TGFB3: variants seen among roughly 807,000 people sequenced by gnomAD.
The protein encoded by TGFB3 is transforming growth factor beta 3, also known as transforming growth factor beta-3 proprotein.
TGFB3 carries 5 observed loss-of-function variants against 40.1 expected under a neutral mutation model. That is an observed-to-expected ratio of 0.12 (90% confidence interval 0.07 to 0.26). The LOEUF (loss-of-function observed/expected upper bound fraction) is 0.26, where lower values mean the gene tolerates loss of function less well. Among genes scored for constraint, TGFB3 ranks in the 10% least tolerant of loss-of-function variants. TGFB3 has a pLI of 1.00. For missense variants in TGFB3, 373 were observed against 530.1 expected, an observed-to-expected ratio of 0.70 and a Z score of 2.91; for synonymous variants, 184 against 205.6, an observed-to-expected ratio of 0.89 and a Z score of 0.90.
intron 6 of TGFB3, among the ~76,000 whole-genome samples, chr14:75,959,886 G>C (rs1429931947): frequency 7.3e-6 from 1 of 137,622 alleles, no homozygotes; most frequent in African/African-American, 2.7e-5. Context: ...GGGGTGATGA[G>C]TTGAAGCATA....
rs532403511 is a variant in TGFB3, at chr14:75,971,643, C to T, written c.428G>A (p.Arg143Lys). ...RFNVSSVEKN[R>K]TNLFRAEFRV... ...GAATTCTGCTCGGAATAGGTTGGTT[C>T]TATTTTTCTCCACTGAGGACACATT... is the stretch of plus-strand genomic sequence containing the variant. The change falls in exon 2 of 7, where the codon AGA (arginine) becomes AAA (lysine). Residue 143 changes from arginine (R) to lysine (K), a missense_variant. By Grantham distance (26) the Arg-to-Lys change is conservative. Coordinates refer to ENST00000238682, the MANE Select transcript of TGFB3 (RefSeq NM_003239.5). The surrounding 1 kb of genome is among the most constrained non-coding windows in gnomAD (Gnocchi z 4.5). 1 of 1,614,256 alleles carries T rather than the reference C, an allele frequency of 6.2e-7. No individual in the cohort carries two copies. The highest frequency in any genetic ancestry group is 1.7e-5 in the Admixed American group (1 of 60,032).
rs1009452691 is a variant in TGFB3 at position 75,979,102 on chromosome 14, G to C, written c.352+1440C>G. 1.3e-5 allele frequency among the ~76,000 whole-genome samples: 2 copies of C among 152,020 alleles called. No individual in the cohort carries two copies. The highest frequency in any genetic ancestry group is 2.9e-5 in the Non-Finnish European group (2 of 68,002). On this transcript the variant is annotated intron_variant, in intron 1 of 6. Transcript: ENST00000238682. The surrounding 1 kb of genome is among the most constrained non-coding windows in gnomAD (Gnocchi z 4.8). ...GGGCAGGGAGTAGTAGCTCTGCATC[G>C]GCCTCCAGCCTCCGCCCCACATGGC...
chr14:75,980,229 T>A lies in TGFB3; in HGVS notation c.352+313A>T, dbSNP rs1215444710. Among the ~76,000 whole-genome samples, 2 of 152,210 alleles carry A rather than the reference T, an allele frequency of 1.3e-5. No homozygotes were observed. The highest frequency in any genetic ancestry group is 2.1e-4 in the South Asian group (1 of 4,836). The stretch of plus-strand genomic sequence containing the variant: ...ACTGATACGATCGCATGTGCAAGAA[T>A]ACATATGTTTCCCTGGACAGCACAA... On this transcript the variant is annotated intron_variant, in intron 1 of 6. Coordinates refer to ENST00000238682, the MANE Select transcript of TGFB3 (RefSeq NM_003239.5). The surrounding 1 kb of genome is among the most constrained non-coding windows in gnomAD (Gnocchi z 4.3).
chr14:75,975,898 A>G (rs968111041), intron 1 of TGFB3, among the ~76,000 whole-genome samples: 1 of 152,230 alleles, frequency 6.6e-6, no homozygotes, highest in Non-Finnish European at 1.5e-5. Context: ...CTCACAGAAC[A>G]CTAGTATTAT....
Position 75,980,991 on chromosome 14 carries a change from C to T in TGFB3, c.-98G>A, listed in dbSNP as rs2035423651. The T allele has an allele frequency of 2.8e-6, 3 of 1,087,568 alleles. No individual in the cohort carries two copies. Among genetic ancestry groups the T allele is most frequent in the Non-Finnish European group, 4.2e-6 (3 of 717,754 alleles). 67.4% of individuals were successfully genotyped at this position (1,087,568 alleles called of 1,614,324 possible). ...GGAGGGAGGAAAACCAGGCGGCCTC[C>T]CCAGATCCCAAAGACTGAGGCTTGG... is the stretch of plus-strand genomic sequence containing the variant. On this transcript the variant is annotated 5_prime_UTR_variant, in exon 1 of 7. Coordinates refer to ENST00000238682, the MANE Select transcript of TGFB3 (RefSeq NM_003239.5). The surrounding 1 kb of genome is among the most constrained non-coding windows in gnomAD (Gnocchi z 4.3).
chr14:75,972,869 G>A (rs1420829921), intron 1 of TGFB3, among the ~76,000 whole-genome samples: 2 of 152,212 alleles, frequency 1.3e-5, no homozygotes, highest in African/African-American at 2.4e-5. Context: ...CCCACATCAT[G>A]AGCCTGGCAG....
intron 4 of TGFB3, among the ~76,000 whole-genome samples, chr14:75,965,304 C>T (rs2035208009): frequency 6.6e-6 from 1 of 152,206 alleles, no homozygotes; most frequent in Admixed American, 6.5e-5. Context: ...GAACTCTCAT[C>T]CCATTTCACT....
intron 6 of TGFB3, 150 bp downstream of exon 6, chr14:75,960,773 G>T: frequency 1.0e-6 from 1 of 981,384 alleles, no homozygotes; most frequent in Non-Finnish European, 1.5e-6. Context: ...ACTGAGTCAG[G>T]GTGCCAAGAT....
At chr14:75,975,206 CCAAATA>C (rs2140249098) in intron 1 of TGFB3, among the ~76,000 whole-genome samples, 2 of 150,460 alleles carry the variant, frequency 1.3e-5, no homozygotes, top group South Asian at 4.2e-4. Flanking sequence ...CATCTCTACT[CCAAATA>C]CAAAAATTAG....
At chr14:75,963,172 A>T in intron 5 of TGFB3, 144 bp downstream of exon 5, 2 of 925,232 alleles carry the variant, frequency 2.2e-6, no homozygotes, top group South Asian at 1.4e-5. Context: ...AATCTCTGTG[A>T]GAGATTTTCA....
chr14:75,974,054 C>T (rs1413835977), intron 1 of TGFB3, among the ~76,000 whole-genome samples: 1 of 151,946 alleles, frequency 6.6e-6, no homozygotes, highest in East Asian at 1.9e-4. Context: ...GCAGGAGAAT[C>T]GCTTGAACCC....
chr14:75,965,134 G>A (rs541834828), intron 4 of TGFB3, among the ~76,000 whole-genome samples: 2 of 152,326 alleles, frequency 1.3e-5, no homozygotes, highest in South Asian at 4.1e-4. Context: ...GGTAGGCCCT[G>A]CACATCTGGA....
In TGFB3 at chr14:75,974,522, G is replaced by T. The variant is rs11466426; in HGVS notation, c.353-2804C>A. On this transcript the variant is annotated intron_variant, in intron 1 of 6. Coordinates refer to ENST00000238682, the MANE Select transcript of TGFB3 (RefSeq NM_003239.5). ...AGCTGACACAAGCAACTTGACACTAGCAAGCAAAGCTTAGGACACAATTGC... is the reference window on the plus strand; with the variant it reads ...AGCTGACACAAGCAACTTGACACTATCAAGCAAAGCTTAGGACACAATTGC... Among the ~76,000 whole-genome samples the T allele has an allele frequency of 5.2e-4, 79 of 152,086 alleles. 1 individual carries two copies. The highest frequency in any genetic ancestry group is 3.4e-3 in the Middle Eastern group (1 of 294).
rs534214749 is a variant in TGFB3 at position 75,978,275 on chromosome 14, A to C, written c.352+2267T>G. On this transcript the variant is annotated intron_variant, in intron 1 of 6. Transcript: ENST00000238682. The surrounding 1 kb of genome is among the most constrained non-coding windows in gnomAD (Gnocchi z 5.0). The stretch of plus-strand genomic sequence containing the variant: ...GGTGTCACCCCTGTCTGCCCTCATG[A>C]GTTAAAGACAGGCTTCCTTCCCCCA... 6.6e-6 allele frequency among the ~76,000 whole-genome samples: 1 copy of C among 152,186 alleles called. No individual in the cohort carries two copies. The highest frequency in any genetic ancestry group is 6.5e-5 in the Admixed American group (1 of 15,290).
rs752640106 is a variant in TGFB3 at position 75,971,527 on chromosome 14, G to T, written c.516+28C>A. The T allele has an allele frequency of 6.2e-7, 1 of 1,613,660 alleles. No individual in the cohort carries two copies. Among genetic ancestry groups the T allele is most frequent in the Admixed American group, 1.7e-5 (1 of 60,004 alleles). On this transcript the variant is annotated intron_variant, in intron 2 of 6. Transcript: ENST00000238682. The surrounding 1 kb of genome is among the most constrained non-coding windows in gnomAD (Gnocchi z 4.5). ...CAAAGGAACCAGCTTTCCCGTCGGT[G>T]TGGTTTCTGCTCTGAGAGAGGAGTT...
chr14:75,980,969 G>T lies in TGFB3; in HGVS notation c.-76C>A. On this transcript the variant is annotated 5_prime_UTR_variant, in exon 1 of 7. Coordinates refer to ENST00000238682, the MANE Select transcript of TGFB3 (RefSeq NM_003239.5). This position sits in a 1 kb window ranked among gnomAD's most constrained non-coding sequence, Gnocchi z 4.3. ...AGACCCCAGCAGACGTGCAGAAGGA[G>T]GGAGGAAAACCAGGCGGCCTCCCCA... The T allele has an allele frequency of 2.8e-6, 4 of 1,432,318 alleles. No individual in the cohort carries two copies. The highest frequency in any genetic ancestry group is 2.3e-5 in the East Asian group (1 of 44,008). 88.7% of individuals were successfully genotyped at this position (1,432,318 alleles called of 1,614,324 possible).
In TGFB3 at chr14:75,971,089, G is replaced by T. The variant is rs1270876449; in HGVS notation, c.646+37C>A. ...TTCATGGAGGACTAAGGGACCTGAG[G>T]TTCATTCTGAAATGCTTATCTGAAG... On this transcript the variant is annotated intron_variant, in intron 3 of 6. Transcript: ENST00000238682. This position sits in a 1 kb window ranked among gnomAD's most constrained non-coding sequence, Gnocchi z 4.5. The T allele has an allele frequency of 1.9e-6, 3 of 1,612,054 alleles. No individual in the cohort carries two copies. The highest frequency in any genetic ancestry group is 2.5e-6 in the Non-Finnish European group (3 of 1,179,702).
At position 75,980,545 on chromosome 14, in the gene TGFB3, G is replaced by C; in HGVS notation, c.349C>G (p.His117Asp). The change falls in exon 1 of 7, where the codon CAC (histidine) becomes GAC (aspartate). Residue 117 changes from histidine (H) to aspartate (D), a missense_variant. Physicochemically the swap from His to Asp is moderately conservative, Grantham distance 81. Transcript: ENST00000238682. The surrounding 1 kb of genome is among the most constrained non-coding windows in gnomAD (Gnocchi z 4.3). ...KFDMIQGLAE[H>D]NELAVCPKGI... is the part of the protein sequence containing the mutation. ...CCCAGCGAGAATTTGGACTTACTGT[G>C]CTCCGCCAGCCCCTGGATCATGTCG... 1 of 1,614,186 alleles carries C rather than the reference G, an allele frequency of 6.2e-7. No individual in the cohort carries two copies. Among genetic ancestry groups the C allele is most frequent in the South Asian group, 1.1e-5 (1 of 91,088 alleles).
intron 1 of TGFB3, among the ~76,000 whole-genome samples, chr14:75,975,596 T>A (rs1435027332): frequency 6.6e-6 from 1 of 152,158 alleles, no homozygotes; most frequent in Non-Finnish European, 1.5e-5. Context: ...AATGAAAACA[T>A]GTAAAATTTA....
Sources: allele counts gnomAD v4.1 joint callset (sites outside exome capture counted in the v4.1 genomes callset), GRCh38; gene constraint gnomAD v4.1.1; non-coding constraint Gnocchi (gnomAD v3.1); transcripts MANE v1.5; gene names NCBI Gene and HGNC (gene_info 2026-07-23, HGNC 2026-07-21).